The following LARGE1 variants were observed in gnomAD, a reference collection of about 807,000 sequenced individuals.
LARGE1 encodes the protein LARGE xylosyl- and glucuronyltransferase 1.
LARGE1 carries 43 observed loss-of-function variants against 87.6 expected under a neutral mutation model. The ratio of observed to expected loss-of-function variants is 0.49; its 90% CI spans 0.38 to 0.63. The LOEUF is 0.63. Ranked by LOEUF, LARGE1 falls within the 30% of genes least tolerant of loss-of-function variation. The pLI is 0.00. For synonymous variants in LARGE1, 434 were observed against 394.6 expected, an observed-to-expected ratio of 1.10 and a Z score of -1.18; for missense variants, 802 against 1,000.2, an observed-to-expected ratio of 0.80 and a Z score of 2.67.
At chr22:33,202,774 G>A (rs1924461979) in intron 11 of LARGE1, among the ~76,000 whole-genome samples, 1 of 152,046 alleles carries the variant, frequency 6.6e-6, no homozygotes, top group African/African-American at 2.4e-5. Context: ...CCTCAAATCT[G>A]GTTGAACCCA....
At chr22:33,398,809 G>A (rs1300468011) in intron 7 of LARGE1, among the ~76,000 whole-genome samples, 2 of 152,224 alleles carry the variant, frequency 1.3e-5, no homozygotes, top group Admixed American at 1.3e-4. Context: ...GGCCGACAGA[G>A]GCAGGGGTTG....
intron 4 of LARGE1, among the ~76,000 whole-genome samples, chr22:33,612,353 T>C (rs2079459570): frequency 1.3e-5 from 2 of 152,168 alleles, no homozygotes; most frequent in African/African-American, 4.8e-5. Flanking sequence ...CTGCCTGCCT[T>C]GGCCTCCCAA....
intron 6 of LARGE1, among the ~76,000 whole-genome samples, chr22:33,433,046 C>T (rs2067139249): frequency 6.6e-6 from 1 of 152,178 alleles, no homozygotes; most frequent in Non-Finnish European, 1.5e-5. Context: ...TCTGGGCCTT[C>T]ACATCTGATC....
intron 9 of LARGE1, among the ~76,000 whole-genome samples, chr22:33,368,533 CAAAAAAAAA>C (rs34999879): frequency 4.3e-5 from 5 of 115,706 alleles, no homozygotes; most frequent in African/African-American, 1.5e-4. Context: ...GACTCTTTCT[CAAAAAAAAA>C]AAAAAAAAAA....
chr22:33,215,462 T>C (rs773039640), intron 11 of LARGE1, among the ~76,000 whole-genome samples: 1 of 152,262 alleles, frequency 6.6e-6, no homozygotes, highest in Non-Finnish European at 1.5e-5. Flanking sequence ...TTGTATATAC[T>C]AAATATTGAC....
At chr22:33,464,602 C>A (rs2148039084) in intron 6 of LARGE1, among the ~76,000 whole-genome samples, 1 of 152,282 alleles carries the variant, frequency 6.6e-6, no homozygotes, top group East Asian at 1.9e-4. Flanking sequence ...AGCCAATGCA[C>A]ATACCTAATG....
rs1932074104 is a variant in LARGE1, at chr22:33,289,107, C to T, written c.1731-5759G>A. On this transcript the variant is annotated intron_variant, in intron 12 of 14. Transcript: ENST00000397394. Reference sequence around the variant, plus strand: ...CCAAGTAGCTGGGACTACAGGTGCCCGCCACCACACCCAGCTAATTTTTTG... The same window carrying T: ...CCAAGTAGCTGGGACTACAGGTGCCTGCCACCACACCCAGCTAATTTTTTG... Among the ~76,000 whole-genome samples, 5 of 151,946 alleles carry T rather than the reference C, an allele frequency of 3.3e-5. No individual in the cohort carries two copies. The South Asian group carries it at 8.3e-4, about 25-fold the overall frequency.
chr22:33,401,042 G>C lies in LARGE1; in HGVS notation c.893-16738C>G, dbSNP rs376792053. ...GCTTTGGCAACAGCTTGGAGGGTGG[G>C]AGGAAAGAGAGTGTGTTTCTCCCTC... On this transcript the variant is annotated intron_variant, in intron 7 of 14. Coordinates refer to ENST00000397394, the MANE Select transcript of LARGE1 (RefSeq NM_133642.5). Among the ~76,000 whole-genome samples the C allele has an allele frequency of 2.6e-5, 4 of 152,210 alleles. No homozygotes were observed. In the East Asian group the frequency reaches 7.8e-4, roughly 30 times the overall value.
intron 5 of LARGE1, among the ~76,000 whole-genome samples, chr22:33,596,202 G>C (rs2078972417): frequency 6.6e-6 from 1 of 152,188 alleles, no homozygotes; most frequent in African/African-American, 2.4e-5. Context: ...TGTAAAAAGT[G>C]AATTGAACAA....
At chr22:33,404,375 C>T (rs1391189113) in intron 7 of LARGE1, among the ~76,000 whole-genome samples, 2 of 152,198 alleles carry the variant, frequency 1.3e-5, no homozygotes, top group Non-Finnish European at 2.9e-5. Context: ...AGATCATAAT[C>T]CATTTGCAAT....
At chr22:33,898,064 C>G (rs908868472) in intron 1 of LARGE1, among the ~76,000 whole-genome samples, 7 of 152,158 alleles carry the variant, frequency 4.6e-5, no homozygotes, top group South Asian at 2.1e-4. Flanking sequence ...ATACACGTGG[C>G]CACAGCTGTA....
At chr22:33,421,307 T>G (rs918213903) in intron 7 of LARGE1, among the ~76,000 whole-genome samples, 8 of 152,208 alleles carry the variant, frequency 5.3e-5, no homozygotes, top group African/African-American at 1.9e-4. Context: ...CCATGCACTT[T>G]GAAAACATTA....
intron 9 of LARGE1, among the ~76,000 whole-genome samples, chr22:33,369,933 AT>A (rs1488374252): frequency 7.1e-6 from 1 of 139,988 alleles, no homozygotes; most frequent in African/African-American, 3.3e-5. Context: ...TCTAGCCAAG[AT>A]TAAAAAAAAA....
chr22:33,592,499 G>A (rs963587690), intron 5 of LARGE1, among the ~76,000 whole-genome samples: 1 of 151,994 alleles, frequency 6.6e-6, no homozygotes, highest in Admixed American at 6.6e-5. Context: ...TACCACCTAA[G>A]TTACCCCACA....
At chr22:33,517,621 C>T (rs1005592223) in intron 6 of LARGE1, among the ~76,000 whole-genome samples, 1 of 412 alleles carries the variant, frequency 2.4e-3, no homozygotes, top group African/African-American at 0.01. Flanking sequence ...AGGATGGTCT[C>T]GAACTCCTGA....
intron 11 of LARGE1, among the ~76,000 whole-genome samples, chr22:33,175,943 T>C (rs1922844471): frequency 6.6e-6 from 1 of 152,102 alleles, no homozygotes; most frequent in Non-Finnish European, 1.5e-5. Flanking sequence ...ATGGTACTGG[T>C]ACCAAAACAG....
At chr22:33,900,056 G>A (rs2065243694) in intron 1 of LARGE1, among the ~76,000 whole-genome samples, 1 of 152,196 alleles carries the variant, frequency 6.6e-6, no homozygotes, top group Non-Finnish European at 1.5e-5. Flanking sequence ...TCTGCCCCAA[G>A]TGAACCTCTG....
At chr22:33,228,350 C>T (rs996030883) in intron 11 of LARGE1, among the ~76,000 whole-genome samples, 1 of 152,236 alleles carries the variant, frequency 6.6e-6, no homozygotes, top group African/African-American at 2.4e-5. Flanking sequence ...ACACTGACTG[C>T]TACATTGTTA....
chr22:33,866,829 A>C (rs555322019), intron 1 of LARGE1, among the ~76,000 whole-genome samples: 1 of 152,202 alleles, frequency 6.6e-6, no homozygotes, highest in South Asian at 2.1e-4. Flanking sequence ...TTTTCAATAA[A>C]TGTTCACAGA....
Sources: gnomAD v4.1 joint callset for allele counts (sites outside exome capture counted in the v4.1 genomes callset) on GRCh38, gnomAD v4.1.1 for gene constraint, MANE v1.5 for transcripts, NCBI Gene and HGNC (gene_info 2026-07-23, HGNC 2026-07-21) for gene names.